COL5A2: variants seen among roughly 807,000 people sequenced by gnomAD.
The protein encoded by COL5A2 is collagen alpha-2(V) chain.
COL5A2 carries 23 observed loss-of-function variants against 208.2 expected under a neutral mutation model. The observed-to-expected ratio is 0.11, with a 90% CI of 0.08 to 0.16. The LOEUF is 0.16. COL5A2 is among the 10% of genes least tolerant of loss of function. The pLI is 1.00. For missense variants in COL5A2, 1,590 were observed against 1,956.4 expected (o/e 0.81, Z 3.53); for synonymous variants, 625 against 628.5 (o/e 0.99, Z 0.08).
chr2:189,297,341 G>A, the COL5A2 span, among the ~76,000 whole-genome samples: 1 of 151,882 alleles, frequency 6.6e-6, no homozygotes, highest in South Asian at 2.1e-4. Context: ...TTATTTTAGG[G>A]CATTTTTTAA....
At chr2:189,075,533 G>A (rs1423618957) in intron 16 of COL5A2, 96 bp from the exon 17 acceptor site, 6 of 909,172 alleles carry the variant, frequency 6.6e-6, no homozygotes, top group Non-Finnish European at 1.1e-5. Flanking sequence ...ATTGCAAATT[G>A]AAGAATAAAT....
At position 189,210,432 on chromosome 2, in the gene COL5A2, G is replaced by GA. The variant is rs34973641; in HGVS notation, c.-42+14715dup. Among the ~76,000 whole-genome samples the GA allele has an allele frequency of 4.6e-3, 622 of 134,902 alleles. 5 individuals are homozygous for GA. The highest frequency in any genetic ancestry group is 0.016 in the African/African-American group (555 of 35,300). The allele number at this position is 134,902 out of a possible 152,430, so 88.5% of individuals were successfully genotyped here. A position where few individuals can be genotyped will look rare whatever the true frequency, so the allele number is the denominator to read the frequency against. Reference sequence around the variant, plus strand: ...AAAATATTTTACATTTGTTGAGCTTGAAAAAAAAAAAAAAGGACAGAGGAA... The same window carrying GA: ...AAAATATTTTACATTTGTTGAGCTTGAAAAAAAAAAAAAAAGGACAGAGGAA... On this transcript the variant is annotated intron_variant, in intron 1 of 10. Transcript: ENST00000649966.
At chr2:189,064,496 C>T in intron 25 of COL5A2, 61 bp downstream of exon 25, 2 of 1,155,222 alleles carry the variant, frequency 1.7e-6, no homozygotes, top group Non-Finnish European at 2.6e-6. Context: ...AAAAACCCGA[C>T]CAATGCATGC....
At chr2:189,081,966 C>T (rs982996996) in intron 12 of COL5A2, among the ~76,000 whole-genome samples, 1 of 152,158 alleles carries the variant, frequency 6.6e-6, no homozygotes, top group African/African-American at 2.4e-5. Context: ...TATTGAGCAC[C>T]TTGATAGCAT....
chr2:189,355,876 G>T, the COL5A2 span, among the ~76,000 whole-genome samples: 1 of 152,134 alleles, frequency 6.6e-6, no homozygotes, highest in African/African-American at 2.4e-5. Flanking sequence ...TAGTGTCGAT[G>T]GTCTTTACAA....
At chr2:189,285,071 G>GGTGTGTGTGTTTGT in the COL5A2 span, among the ~76,000 whole-genome samples, 4 of 139,702 alleles carry the variant, frequency 2.9e-5, no homozygotes. Flanking sequence ...GCATGCACAT[G>GGTGTGTGTGTTTGT]GTGTGTGTGT....
chr2:189,282,391 A>T, the COL5A2 span, among the ~76,000 whole-genome samples: 1 of 152,208 alleles, frequency 6.6e-6, no homozygotes, highest in Non-Finnish European at 1.5e-5. Flanking sequence ...GTGCAAAGGT[A>T]AAATGCTGCT....
At chr2:189,411,594 A>G in the COL5A2 span, among the ~76,000 whole-genome samples, 1 of 152,186 alleles carries the variant, frequency 6.6e-6, no homozygotes, top group Admixed American at 6.5e-5. Flanking sequence ...TTCACATATC[A>G]ATATAGCATT....
Position 189,060,717 on chromosome 2 carries a change from T to C in COL5A2, c.2085+13A>G, listed in dbSNP as rs1408118324. On this transcript the variant is annotated intron_variant, in intron 31 of 53. Coordinates refer to ENST00000374866, the MANE Select transcript of COL5A2 (RefSeq NM_000393.5). ...ATGTATAGTGTTGCCATTATTATTA[T>C]TTAAACACTTACTTGATCACCTGGT... is the stretch of plus-strand genomic sequence containing the variant. 3 of 1,608,620 alleles carry C rather than the reference T, an allele frequency of 1.9e-6. No individual in the cohort carries two copies. The East Asian group carries it at 6.7e-5, about 36-fold the overall frequency.
chr2:189,179,964 G>T, upstream of COL5A2: 1 of 461,792 alleles, frequency 2.2e-6, no homozygotes, highest in Non-Finnish European at 3.8e-6. Context: ...GCATAGATGG[G>T]GCTTAATAAC....
chr2:189,071,354 A>C (rs1049349897), intron 18 of COL5A2, among the ~76,000 whole-genome samples: 1 of 152,194 alleles, frequency 6.6e-6, no homozygotes, highest in African/African-American at 2.4e-5. Flanking sequence ...TACAATTTGA[A>C]AGAGGTGTTC....
chr2:189,394,780 T>A, the COL5A2 span, among the ~76,000 whole-genome samples: 4 of 152,158 alleles, frequency 2.6e-5, no homozygotes, highest in Admixed American at 2.0e-4. Context: ...AAAAAAGGTA[T>A]ACAATAAAAT....
chr2:189,085,236 G>T, intron 10 of COL5A2, 23 bp from the exon 11 acceptor site: 1 of 1,594,442 alleles, frequency 6.3e-7, no homozygotes. Flanking sequence ...CAAAACAAAA[G>T]GAAAAAAAGA....
At chr2:189,431,310 C>A in the COL5A2 span, among the ~76,000 whole-genome samples, 1 of 152,136 alleles carries the variant, frequency 6.6e-6, no homozygotes, top group African/African-American at 2.4e-5. Context: ...CAGCTCCTCA[C>A]CAGCAACAGA....
the COL5A2 span, among the ~76,000 whole-genome samples, chr2:189,382,405 A>G: frequency 2.6e-5 from 4 of 152,132 alleles, no homozygotes; most frequent in Non-Finnish European, 5.9e-5. Context: ...AAGATTTTTT[A>G]AAGACAAAAG....
chr2:189,069,041 C>T (rs1042816204), intron 18 of COL5A2, among the ~76,000 whole-genome samples, 157 bp from the exon 19 acceptor site: 2 of 152,144 alleles, frequency 1.3e-5, no homozygotes, highest in Non-Finnish European at 2.9e-5. Context: ...GCTTAAGGAG[C>T]GCACTCACTT....
chr2:189,427,666 G>A, the COL5A2 span, among the ~76,000 whole-genome samples: 1 of 152,210 alleles, frequency 6.6e-6, no homozygotes, highest in African/African-American at 2.4e-5. Flanking sequence ...AGCTTCCCAA[G>A]GCTTCGGGAG....
the COL5A2 span, among the ~76,000 whole-genome samples, chr2:189,275,106 C>A: frequency 4.6e-5 from 7 of 152,072 alleles, no homozygotes. Flanking sequence ...CAAGCATGAG[C>A]CATATATCAG....
intron 22 of COL5A2, 87 bp downstream of exon 22, chr2:189,066,642 T>TAA: frequency 7.4e-7 from 1 of 1,349,120 alleles, no homozygotes; most frequent in South Asian, 1.2e-5. Context: ...ATAATTCTCA[T>TAA]TATTATTTTA....
Sources: gnomAD v4.1 joint callset for allele counts (sites outside exome capture counted in the v4.1 genomes callset) on GRCh38, gnomAD v4.1.1 for gene constraint, MANE v1.5 for transcripts, NCBI Gene and HGNC (gene_info 2026-07-23, HGNC 2026-07-21) for gene names.